Variants in ADCY3 observed in about 807,000 individuals in gnomAD.
The protein encoded by ADCY3 is adenylate cyclase 3.
ADCY3 carries 70 observed loss-of-function variants against 119.4 expected under a neutral mutation model. The observed-to-expected ratio is 0.59, with a 90% CI of 0.48 to 0.72. The LOEUF is 0.72. Among genes scored for constraint, ADCY3 ranks in the 30% least tolerant of loss-of-function variants. The probability of loss-of-function intolerance (pLI) is 0.00; values close to 1 mark genes in which losing one functional copy is unlikely to be tolerated. For missense variants in ADCY3, 1,238 were observed against 1,541.6 expected, an observed-to-expected ratio of 0.80 and a Z score of 3.30; for synonymous variants, 672 against 621.4, an observed-to-expected ratio of 1.08 and a Z score of -1.21.
Position 24,841,047 on chromosome 2 carries a change from G to A in ADCY3, c.1196+212C>T, listed in dbSNP as rs184478349. On this transcript the variant is annotated intron_variant, in intron 6 of 21. Coordinates refer to ENST00000679454, the MANE Select transcript of ADCY3 (RefSeq NM_004036.5). This position sits in a 1 kb window ranked among gnomAD's most constrained non-coding sequence, Gnocchi z 5.8. ...GTGCCCCACAGGCTGGGGGAGCCTC[G>A]CAGGTCCCCTGGGCTGTGAGGAAGG... 7.2e-3 allele frequency among the ~76,000 whole-genome samples: 1,093 copies of A among 152,308 alleles called. 5 individuals are homozygous for A. The highest frequency in any genetic ancestry group is 0.012 in the Non-Finnish European group (840 of 68,020).
chr2:24,910,753 TCTC>T (rs1663506241), intron 2 of ADCY3, among the ~76,000 whole-genome samples: 2 of 150,792 alleles, frequency 1.3e-5, no homozygotes, highest in Non-Finnish European at 3.0e-5. Flanking sequence ...TTCAAGCAAT[TCTC>T]CTGCCTCAGC....
rs374965838 is a variant in ADCY3, at chr2:24,876,598, T to G, written c.676-3879A>C. ...CACTCTTTCAGCATGAGCAGGGCCC[T>G]GAGCTGGCCCTAGGAGGGACGGTGG... On this transcript the variant is annotated intron_variant, in intron 2 of 21. Transcript: ENST00000679454. Among the ~76,000 whole-genome samples, 29 of 152,318 alleles carry G rather than the reference T, an allele frequency of 1.9e-4. 1 individual carries two copies. In the South Asian group the frequency reaches 5.4e-3, roughly 28 times the overall value.
chr2:24,820,837 C>G lies in ADCY3; in HGVS notation c.3139G>C (p.Gly1047Arg). The change falls in exon 21 of 22, where the codon GGC (glycine) becomes CGC (arginine). Residue 1047 changes from glycine to arginine, a missense_variant. Around this residue, in one of 7 missense-constraint regions of ADCY3, gnomAD observed 43 missense variants for 77.0 expected, o/e 0.56. Coordinates refer to ENST00000679454, the MANE Select transcript of ADCY3 (RefSeq NM_004036.5). The part of the protein sequence containing the change: ...NFMLRIGMNK[G>R]GVLAGVIGAR... ...CCGATGACCCCAGCCAGAACCCCGC[C>G]TTTGTTCATGCCTAGGGTAGAGGCA... 1 of 1,614,052 alleles carries G rather than the reference C, an allele frequency of 6.2e-7. No homozygotes were observed. Among genetic ancestry groups the G allele is most frequent in the Non-Finnish European group, 8.5e-7 (1 of 1,179,970 alleles).
intron 7 of ADCY3, chr2:24,838,890 A>G (rs757134858): frequency 7.6e-6 from 12 of 1,588,580 alleles, no homozygotes; most frequent in South Asian, 1.1e-5. Context: ...CAGGAGTACA[A>G]TCTTTCTTCA....
chr2:24,893,514 G>T (rs889187748), intron 2 of ADCY3, among the ~76,000 whole-genome samples: 10 of 152,026 alleles, frequency 6.6e-5, no homozygotes, highest in African/African-American at 2.4e-4. Flanking sequence ...GCCACACCCA[G>T]TCTATCTGTG....
chr2:24,873,405 G>A (rs1675270816), intron 2 of ADCY3, among the ~76,000 whole-genome samples: 1 of 152,166 alleles, frequency 6.6e-6, no homozygotes, highest in Non-Finnish European at 1.5e-5. Context: ...GGGTGTCCTG[G>A]GACTTGAGGT....
At chr2:24,824,624 C>A in intron 16 of ADCY3, 88 bp from the exon 17 acceptor site, 2 of 1,476,408 alleles carry the variant, frequency 1.4e-6, no homozygotes, top group Non-Finnish European at 1.9e-6. Context: ...CGTGGCGGTT[C>A]ATGCCTGTAA....
Position 24,834,143 on chromosome 2 carries a change from G to C in ADCY3, c.1967+342C>G, listed in dbSNP as rs1305792571. On this transcript the variant is annotated intron_variant, in intron 11 of 21. Coordinates refer to ENST00000679454, the MANE Select transcript of ADCY3 (RefSeq NM_004036.5). This position sits in a 1 kb window ranked among gnomAD's most constrained non-coding sequence, Gnocchi z 4.2. Reference sequence around the variant, plus strand: ...GGGCCAGGTCAGCCTTGGTGACTGAGACTGACGCAGTGTCCCCATCTTTGT... The same window carrying C: ...GGGCCAGGTCAGCCTTGGTGACTGACACTGACGCAGTGTCCCCATCTTTGT... Among the ~76,000 whole-genome samples, 1 of 152,228 alleles carries C rather than the reference G, an allele frequency of 6.6e-6. No homozygotes were observed. Among genetic ancestry groups the C allele is most frequent in the Non-Finnish European group, 1.5e-5 (1 of 68,042 alleles).
At position 24,898,236 on chromosome 2, in the gene ADCY3, G is replaced by A. The variant is rs1251257128; in HGVS notation, c.675+20077C>T. ...CCAGCTCAGTACTCCTCCTCCTGAGGGGCTTTTCTCTCCACTCTCCCAGTT... is the reference window on the plus strand; with the variant it reads ...CCAGCTCAGTACTCCTCCTCCTGAGAGGCTTTTCTCTCCACTCTCCCAGTT... On this transcript the variant is annotated intron_variant, in intron 2 of 21. Transcript: ENST00000679454. This position sits in a 1 kb window ranked among gnomAD's most constrained non-coding sequence, Gnocchi z 4.3. Among the ~76,000 whole-genome samples the A allele has an allele frequency of 1.3e-5, 2 of 152,090 alleles. No individual in the cohort carries two copies. Among genetic ancestry groups the A allele is most frequent in the Non-Finnish European group, 2.9e-5 (2 of 68,018 alleles).
intron 3 of ADCY3, among the ~76,000 whole-genome samples, chr2:24,859,813 TCCC>T (rs923354672): frequency 1.3e-5 from 2 of 151,916 alleles, no homozygotes; most frequent in Non-Finnish European, 2.9e-5. Flanking sequence ...CTCTGTGCAG[TCCC>T]CCAAGACCTG....
chr2:24,914,467 G>GT (rs1664189675), intron 2 of ADCY3, among the ~76,000 whole-genome samples: 1 of 152,208 alleles, frequency 6.6e-6, no homozygotes, highest in African/African-American at 2.4e-5. Context: ...GAGGTCAGGA[G>GT]TTCGAGGCCA....
intron 2 of ADCY3, among the ~76,000 whole-genome samples, chr2:24,893,510 C>T (rs900267190): frequency 6.6e-6 from 1 of 152,064 alleles, no homozygotes; most frequent in African/African-American, 2.4e-5. Flanking sequence ...AGCTGCCACA[C>T]CCAGTCTATC....
chr2:24,845,168 C>T (rs1394911754), intron 3 of ADCY3, among the ~76,000 whole-genome samples: 2 of 152,124 alleles, frequency 1.3e-5, no homozygotes, highest in East Asian at 3.9e-4. Flanking sequence ...CGGACTAATA[C>T]AGTAAATTGG....
rs1318812982 is a variant in ADCY3 at position 24,898,699 on chromosome 2, T to TC, written c.675+19613dup. The stretch of plus-strand genomic sequence containing the variant: ...CACAGGTCCCAGGAAACCGCACAGC[T>TC]CCCGGCTCCAGGTCTCTGGGGAGAC... On this transcript the variant is annotated intron_variant, in intron 2 of 21. Coordinates refer to ENST00000679454, the MANE Select transcript of ADCY3 (RefSeq NM_004036.5). The surrounding 1 kb of genome is among the most constrained non-coding windows in gnomAD (Gnocchi z 4.3). 1.3e-5 allele frequency among the ~76,000 whole-genome samples: 2 copies of TC among 152,118 alleles called. No homozygotes were observed. Among genetic ancestry groups the TC allele is most frequent in the Non-Finnish European group, 2.9e-5 (2 of 67,992 alleles).
intron 19 of ADCY3, 32 bp from the exon 20 acceptor site, chr2:24,821,672 G>T (rs780940564): frequency 1.2e-6 from 2 of 1,610,964 alleles, no homozygotes; most frequent in Middle Eastern, 1.7e-4. Context: ...AAAGTGTCAG[G>T]GGCCGCTCAC....
intron 2 of ADCY3, among the ~76,000 whole-genome samples, chr2:24,884,485 T>TTTTC (rs1301629343): frequency 7.2e-6 from 1 of 138,238 alleles, no homozygotes; most frequent in African/African-American, 2.9e-5. Context: ...TTTTTTTTTT[T>TTTTC]TTTTTTTTGA....
intron 2 of ADCY3, among the ~76,000 whole-genome samples, chr2:24,873,335 C>G (rs1253866977): frequency 2.0e-5 from 3 of 152,266 alleles, no homozygotes; most frequent in East Asian, 3.9e-4. Context: ...CTCAGCTAAC[C>G]CCACCTGCCA....
chr2:24,885,534 T>C (rs907280241), intron 2 of ADCY3, among the ~76,000 whole-genome samples: 2 of 152,182 alleles, frequency 1.3e-5, no homozygotes, highest in Non-Finnish European at 2.9e-5. Flanking sequence ...ACTGAGCTCC[T>C]TTCTGTGCCT....
chr2:24,889,613 G>A (rs868166616), intron 2 of ADCY3, among the ~76,000 whole-genome samples: 1 of 152,138 alleles, frequency 6.6e-6, no homozygotes, highest in African/African-American at 2.4e-5. Flanking sequence ...GAGGCGAGTG[G>A]GCCACTTGAG....
Sources: gnomAD v4.1 joint callset for allele counts (sites outside exome capture counted in the v4.1 genomes callset) on GRCh38, gnomAD v4.1.1 for gene constraint, gnomAD v4.1.1 regional missense constraint, Gnocchi (gnomAD v3.1) non-coding constraint, MANE v1.5 for transcripts, NCBI Gene and HGNC (gene_info 2026-07-23, HGNC 2026-07-21) for gene names.